The following SPOCK2 variants were observed in gnomAD, a reference collection of about 807,000 sequenced individuals.
SPOCK2 encodes the protein SPARC (osteonectin), cwcv and kazal like domains proteoglycan 2, also known as testican-2.
In SPOCK2, 39 loss-of-function variants were observed where a neutral mutation model predicts 60.1. That is an observed-to-expected ratio of 0.65 (90% CI 0.50 to 0.85). The LOEUF (loss-of-function observed/expected upper bound fraction) is 0.85. SPOCK2 is among the 40% of genes least tolerant of loss of function. SPOCK2 has a pLI of 0.00. For missense variants in SPOCK2, 523 were observed against 567.4 expected, an observed-to-expected ratio of 0.92 and a Z score of 0.80; for synonymous variants, 217 against 231.5, an observed-to-expected ratio of 0.94 and a Z score of 0.57.
At chr10:72,077,882 G>A (rs1241252231) in intron 1 of SPOCK2, among the ~76,000 whole-genome samples, 1 of 152,090 alleles carries the variant, frequency 6.6e-6, no homozygotes, top group African/African-American at 2.4e-5. Context: ...CCACCGGCCA[G>A]GACCACCCCA....
chr10:72,062,736 C>CG lies in SPOCK2; in HGVS notation c.*23_*24insC. 1.3e-6 allele frequency: 2 copies of CG among 1,589,760 alleles called. No individual in the cohort carries two copies. Among genetic ancestry groups the CG allele is most frequent in the South Asian group, 1.1e-5 (1 of 90,472 alleles). Reference sequence around the variant, plus strand: ...TCAGAGCTCTGCTGTTGAGTCCCCCCCGGCAGCCGGCTCCTGAGGGCGTCT... The same window carrying CG: ...TCAGAGCTCTGCTGTTGAGTCCCCCCGCGGCAGCCGGCTCCTGAGGGCGTCT... On this transcript the variant is annotated 3_prime_UTR_variant, in exon 11 of 11. Transcript: ENST00000373109. The surrounding 1 kb of genome is among the most constrained non-coding windows in gnomAD (Gnocchi z 4.3).
Position 72,087,526 on chromosome 10 carries a change from G to C in SPOCK2, c.189+614C>G, listed in dbSNP as rs1006681136. ...CGCGCCCTTCTGCACGGGGACCCCA[G>C]CCCACCCCCGTACGGACACGCCTTC... On this transcript the variant is annotated intron_variant, in intron 1 of 10. Transcript: ENST00000373109. This position sits in a 1 kb window ranked among gnomAD's most constrained non-coding sequence, Gnocchi z 4.7. Among the ~76,000 whole-genome samples, 23 of 152,188 alleles carry C rather than the reference G, an allele frequency of 1.5e-4. No individual in the cohort carries two copies. The highest frequency in any genetic ancestry group is 5.3e-4 in the African/African-American group (22 of 41,464).
At chr10:72,065,334 T>G (rs918535459) in intron 8 of SPOCK2, among the ~76,000 whole-genome samples, 2 of 152,156 alleles carry the variant, frequency 1.3e-5, no homozygotes, top group African/African-American at 4.8e-5. Context: ...CCGCGCCCGG[T>G]CTATGTTTAG....
chr10:72,087,303 C>A lies in SPOCK2; in HGVS notation c.189+837G>T, dbSNP rs553808323. Among the ~76,000 whole-genome samples the A allele has an allele frequency of 1.3e-5, 2 of 152,264 alleles. No homozygotes were observed. The highest frequency in any genetic ancestry group is 2.9e-5 in the Non-Finnish European group (2 of 68,004). The stretch of plus-strand genomic sequence containing the variant: ...TGCCGCAGCTACCCCCCCGCCCCCA[C>A]CCCGCGGAGTTCGGCCCAAGGTTAC... On this transcript the variant is annotated intron_variant, in intron 1 of 10. Coordinates refer to ENST00000373109, the MANE Select transcript of SPOCK2 (RefSeq NM_001244950.2). This position sits in a 1 kb window ranked among gnomAD's most constrained non-coding sequence, Gnocchi z 4.7.
At position 72,070,419 on chromosome 10, in the gene SPOCK2, G is replaced by T; in HGVS notation, c.367C>A (p.Gln123Lys). The T allele has an allele frequency of 1.9e-6, 3 of 1,614,098 alleles. No individual in the cohort carries two copies. The South Asian group carries it at 3.3e-5, about 18-fold the overall frequency. ...TTTCCATGGAGTTTCACGGTCGGCT[G>T]CTTGATCCTACAGGAGAGGGTGGGG... is the stretch of plus-strand genomic sequence containing the variant. Reference protein sequence around the residue: ...SRKKLEHRIKQPTVKLHGNKD... With the variant: ...SRKKLEHRIKKPTVKLHGNKD... The change falls in exon 5 of 11, where the codon CAG (glutamine) becomes AAG (lysine). Residue 123 changes from glutamine (Q) to lysine (K), a missense_variant. Coordinates refer to ENST00000373109, the MANE Select transcript of SPOCK2 (RefSeq NM_001244950.2).
intron 1 of SPOCK2, chr10:72,086,316 A>G: frequency 2.0e-6 from 2 of 992,642 alleles, no homozygotes; most frequent in Non-Finnish European, 2.4e-6. Context: ...GCCCAGTGCC[A>G]TGGGGTCAAG....
rs746638740 is a variant in SPOCK2, at chr10:72,067,077, G to C, written c.753C>G (p.Gly251=). The change falls in exon 8 of 11, where the codon GGC becomes GGG. Residue 251 remains glycine (G), a synonymous_variant. Coordinates refer to ENST00000373109, the MANE Select transcript of SPOCK2 (RefSeq NM_001244950.2). ...TGGTGTCCAGCTTGGAGAACATCCA[G>C]CCAATGGAGTCCTTGCAGCTGGCCC... ...SLGASCKDSI[G]WMFSKLDTSA... The C allele has an allele frequency of 1.2e-6, 2 of 1,614,072 alleles. No homozygotes were observed. The highest frequency in any genetic ancestry group is 4.5e-5 in the East Asian group (2 of 44,894).
intron 1 of SPOCK2, among the ~76,000 whole-genome samples, chr10:72,073,555 C>T (rs899675879): frequency 3.9e-5 from 6 of 152,198 alleles, no homozygotes; most frequent in African/African-American, 1.4e-4. Flanking sequence ...AAGGGTCCTA[C>T]GAGGTCACCT....
At chr10:72,072,355 T>C in intron 3 of SPOCK2, 97 bp from the exon 4 acceptor site, 1 of 1,465,612 alleles carries the variant, frequency 6.8e-7, no homozygotes, top group Non-Finnish European at 9.2e-7. Context: ...CCAGCAGCCC[T>C]TGATAACCAG....
chr10:72,068,310 G>T lies in SPOCK2; in HGVS notation c.475-9C>A. 6.2e-7 allele frequency: 1 copy of T among 1,601,278 alleles called. No individual in the cohort carries two copies. The highest frequency in any genetic ancestry group is 8.5e-7 in the Non-Finnish European group (1 of 1,172,988). ...TGTTGCTCCAGCTTACACTGCACAT[G>T]GGGAAAGGTGGAACAGGGGACTGAG... is the stretch of plus-strand genomic sequence containing the variant. On this transcript the variant is annotated splice_polypyrimidine_tract_variant and intron_variant, in intron 5 of 10. Transcript: ENST00000373109.
In SPOCK2 at chr10:72,067,009, T is replaced by A. The variant is rs1840578775; in HGVS notation, c.821A>T (p.Asn274Ile). The A allele has an allele frequency of 6.2e-7, 1 of 1,614,194 alleles. No homozygotes were observed. The highest frequency in any genetic ancestry group is 8.5e-7 in the Non-Finnish European group (1 of 1,180,040). Residue 274 changes from asparagine (N) to isoleucine (I), a missense_variant, in exon 8 of 11, where the codon AAC becomes ATC. Transcript: ENST00000373109. Reference sequence around the variant, plus strand: ...GATGCAGACCTCGTACTTGTCCAGGTTGATGGCGGCCAGCTCCGTCTGGTC... The same window carrying A: ...GATGCAGACCTCGTACTTGTCCAGGATGATGGCGGCCAGCTCCGTCTGGTC... ...FLDQTELAAINLDKYEVCIRP... is the reference protein window; with the variant it reads ...FLDQTELAAIILDKYEVCIRP...
Position 72,062,535 on chromosome 10 carries a change from T to TTAA in SPOCK2, c.*224_*225insTTA. 1 of 759,286 alleles carries TTAA rather than the reference T, an allele frequency of 1.3e-6. No homozygotes were observed. The highest frequency in any genetic ancestry group is 2.6e-5 in the South Asian group (1 of 38,830). 47.0% of individuals were successfully genotyped at this position (759,286 alleles called of 1,614,324 possible). On this transcript the variant is annotated 3_prime_UTR_variant, in exon 11 of 11. Transcript: ENST00000373109. This position sits in a 1 kb window ranked among gnomAD's most constrained non-coding sequence, Gnocchi z 4.3. The stretch of plus-strand genomic sequence containing the variant: ...GATCAAGGACACATTTGTCAGCGCA[T>TTAA]GCCACACACACACACACATACACAC...
chr10:72,070,263 G>A, intron 5 of SPOCK2, 49 bp downstream of exon 5: 1 of 1,583,426 alleles, frequency 6.3e-7, no homozygotes, highest in South Asian at 1.1e-5. Flanking sequence ...TGCTTCCTGT[G>A]GCCTCAGGTG....
At chr10:72,080,183 G>A (rs1246190007) in intron 1 of SPOCK2, among the ~76,000 whole-genome samples, 1 of 152,158 alleles carries the variant, frequency 6.6e-6, no homozygotes, top group Non-Finnish European at 1.5e-5. Context: ...ACAGCCAGAG[G>A]CACAGCGACA....
chr10:72,070,231 GC>G (rs1589120282), intron 5 of SPOCK2, 80 bp downstream of exon 5: 1 of 1,391,336 alleles, frequency 7.2e-7, no homozygotes, highest in East Asian at 2.4e-5. Context: ...CCCTCCGGAG[GC>G]CCCAGCTGGG....
At chr10:72,070,454 G>A (rs1320441384) in intron 4 of SPOCK2, 28 bp from the exon 5 acceptor site, 1 of 1,607,914 alleles carries the variant, frequency 6.2e-7, no homozygotes, top group East Asian at 2.2e-5. Context: ...GGGCACACCA[G>A]GGTGGAAGTG....
At position 72,087,220 on chromosome 10, in the gene SPOCK2, C is replaced by G. The variant is rs1212331745; in HGVS notation, c.189+920G>C. ...GCCCGGCCGAGAGGAAGGAGCCAGCCCCGCCGGGCCGCCGCCTGCGACTTC... is the reference window on the plus strand; with the variant it reads ...GCCCGGCCGAGAGGAAGGAGCCAGCGCCGCCGGGCCGCCGCCTGCGACTTC... On this transcript the variant is annotated intron_variant, in intron 1 of 10. Coordinates refer to ENST00000373109, the MANE Select transcript of SPOCK2 (RefSeq NM_001244950.2). The surrounding 1 kb of genome is among the most constrained non-coding windows in gnomAD (Gnocchi z 4.7). 7.9e-5 allele frequency among the ~76,000 whole-genome samples: 12 copies of G among 151,994 alleles called. No individual in the cohort carries two copies. The highest frequency in any genetic ancestry group is 1.0e-4 in the Non-Finnish European group (7 of 67,970).
At chr10:72,079,697 G>A (rs936263803) in intron 1 of SPOCK2, among the ~76,000 whole-genome samples, 3 of 152,130 alleles carry the variant, frequency 2.0e-5, no homozygotes, top group Admixed American at 6.5e-5. Context: ...TCTCCATCTG[G>A]TATGAAGCTT....
chr10:72,066,837 AGCCT>A lies in SPOCK2; in HGVS notation c.928+61_928+64del, dbSNP rs1840574496. The A allele has an allele frequency of 2.5e-6, 4 of 1,588,272 alleles. No individual in the cohort carries two copies. In the East Asian group the frequency reaches 9.0e-5, roughly 36 times the overall value. ...AAGAGCCACTCTGACTTCCCAAGAGAGCCTGGAACTTCGGGTAGAGCCCACACGG... is the reference window on the plus strand; with the variant it reads ...AAGAGCCACTCTGACTTCCCAAGAGAGGAACTTCGGGTAGAGCCCACACGG... On this transcript the variant is annotated intron_variant, in intron 8 of 10. Coordinates refer to ENST00000373109, the MANE Select transcript of SPOCK2 (RefSeq NM_001244950.2).
Sources: allele counts gnomAD v4.1 joint callset (sites outside exome capture counted in the v4.1 genomes callset), GRCh38; gene constraint gnomAD v4.1.1; non-coding constraint Gnocchi (gnomAD v3.1); transcripts MANE v1.5; gene names NCBI Gene and HGNC (gene_info 2026-07-23, HGNC 2026-07-21).